Variants in DMXL1 observed in about 807,000 individuals in gnomAD.
DMXL1 encodes dmX-like protein 1.
DMXL1 carries 99 observed loss-of-function variants against 319.2 expected under a neutral mutation model. That is an observed-to-expected ratio of 0.31 (90% CI 0.26 to 0.37). The LOEUF is 0.37. DMXL1 is among the 10% of genes least tolerant of loss of function. The pLI is 1.00. For synonymous variants in DMXL1, 1,385 were observed against 1,235.2 expected, an observed-to-expected ratio of 1.12 and a Z score of -2.54; for missense variants, 3,745 against 3,595.6, an observed-to-expected ratio of 1.04 and a Z score of -1.06.
chr5:119,146,357 T>G (rs1036182730), intron 15 of DMXL1, among the ~76,000 whole-genome samples: 1 of 151,984 alleles, frequency 6.6e-6, no homozygotes, highest in African/African-American at 2.4e-5. Flanking sequence ...GTGTGCTGTT[T>G]ATGCAATTTG....
Position 119,116,137 on chromosome 5 carries a change from TTTTG to T in DMXL1, c.565-17_565-14del. On this transcript the variant is annotated splice_polypyrimidine_tract_variant and intron_variant, in intron 6 of 43. Transcript: ENST00000539542. ...TAATTCTGATCTCCATGATTTTCTG[TTTTG>T]TTTTTTTTTTCCTTAGGATGACTGT... 2 of 1,570,278 alleles carry T rather than the reference TTTTG, an allele frequency of 1.3e-6. No homozygotes were observed. Among genetic ancestry groups the T allele is most frequent in the Non-Finnish European group, 1.7e-6 (2 of 1,161,074 alleles).
chr5:119,191,758 C>T (rs758045677), intron 29 of DMXL1, among the ~76,000 whole-genome samples: 118 of 152,258 alleles, frequency 7.7e-4, no homozygotes, highest in Non-Finnish European at 1.1e-3. Context: ...TCCTGTCTGG[C>T]AGGGCATCAG....
At chr5:119,234,622 AGGGAAC>A (rs1787388384) in intron 39 of DMXL1, among the ~76,000 whole-genome samples, 2 of 152,184 alleles carry the variant, frequency 1.3e-5, no homozygotes, top group African/African-American at 2.4e-5. Context: ...TGGGAAATTA[AGGGAAC>A]TTAGTACAGA....
At position 119,189,802 on chromosome 5, in the gene DMXL1, G is replaced by A. The variant is rs774587642; in HGVS notation, c.7230G>A (p.Ser2410=). The A allele has an allele frequency of 5.8e-5, 93 of 1,613,950 alleles. No homozygotes were observed. Among genetic ancestry groups the A allele is most frequent in the Middle Eastern group, 1.6e-4 (1 of 6,082 alleles). Residue 2410 remains serine (S), a synonymous_variant, in exon 29 of 44, where the codon TCG becomes TCA. Transcript: ENST00000539542. Reference sequence around the variant, plus strand: ...AATCTGCCCCACTGACCCCTTCCTCGGCACCAGTAAGCCAGGAGTCACTGG... The same window carrying A: ...AATCTGCCCCACTGACCCCTTCCTCAGCACCAGTAAGCCAGGAGTCACTGG... ...CRESAPLTPS[S]APVSQESLAV...
intron 19 of DMXL1, 147 bp downstream of exon 19, chr5:119,152,183 T>G: frequency 1.7e-6 from 1 of 595,402 alleles, no homozygotes; most frequent in Admixed American, 3.4e-5. Flanking sequence ...AAATGTTTAT[T>G]TTGTCATAAT....
intron 24 of DMXL1, 24 bp from the exon 25 acceptor site, chr5:119,171,754 C>T: frequency 6.3e-7 from 1 of 1,579,312 alleles, no homozygotes; most frequent in East Asian, 2.3e-5. Flanking sequence ...GTTGGTTAAC[C>T]TTTTATCCCT....
Position 119,177,433 on chromosome 5 carries a change from G to A in DMXL1, c.6835G>A (p.Gly2279Arg), listed in dbSNP as rs377458810. 5 of 1,609,200 alleles carry A rather than the reference G, an allele frequency of 3.1e-6. No individual in the cohort carries two copies. The African/African-American group carries it at 4.0e-5, about 13-fold the overall frequency. Reference sequence around the variant, plus strand: ...TCCTCATCGACCTTCTTTGAAAACAGGAAGCTTAGATGAAGCATTAACTCC... The same window carrying A: ...TCCTCATCGACCTTCTTTGAAAACAAGAAGCTTAGATGAAGCATTAACTCC... ...LLPHRPSLKT[G>R]SLDEALTPNT... The change falls in exon 27 of 44, where the codon GGA becomes AGA. Residue 2279 changes from glycine (G) to arginine (R), a missense_variant. Gly to Arg is a moderately radical substitution (Grantham distance 125). Around this residue, in one of 4 missense-constraint regions of DMXL1, gnomAD observed 1,382 missense variants for 1,269.5 expected, o/e 1.09. Coordinates refer to ENST00000539542, the MANE Select transcript of DMXL1 (RefSeq NM_001290321.3).
chr5:119,092,802 A>G (rs569796006), intron 1 of DMXL1, among the ~76,000 whole-genome samples: 45 of 152,338 alleles, frequency 3.0e-4, no homozygotes, highest in African/African-American at 1.0e-3. Flanking sequence ...GGTCTTTTGT[A>G]AAGTTCATCC....
At chr5:119,071,918 G>C (rs1394872307) in intron 1 of DMXL1, among the ~76,000 whole-genome samples, 1 of 152,200 alleles carries the variant, frequency 6.6e-6, no homozygotes, top group Non-Finnish European at 1.5e-5. Context: ...CCTTGGGCCA[G>C]GGTGCTTTGC....
intron 13 of DMXL1, among the ~76,000 whole-genome samples, chr5:119,136,085 G>A (rs1255296718): frequency 1.3e-5 from 2 of 152,210 alleles, no homozygotes; most frequent in African/African-American, 2.4e-5. Flanking sequence ...ATGAAGTCCC[G>A]GCTGAGGTAG....
In DMXL1 at chr5:119,170,277, G is replaced by T. The variant is rs759265706; in HGVS notation, c.5486G>T (p.Gly1829Val). 1 of 1,613,600 alleles carries T rather than the reference G, an allele frequency of 6.2e-7. No homozygotes were observed. Among genetic ancestry groups the T allele is most frequent in the East Asian group, 2.2e-5 (1 of 44,870 alleles). Residue 1829 changes from glycine to valine, a missense_variant, in exon 24 of 44, where the codon GGA becomes GTA. Transcript: ENST00000539542. ...THPLLLRRHF[G>V]SSDTFSTHMS... ...CCTCTTTTGCTGAGACGTCATTTTG[G>T]ATCATCTGATACATTTTCCACACAT... is the stretch of plus-strand genomic sequence containing the variant.
chr5:119,228,068 T>A (rs1210327501), intron 38 of DMXL1, among the ~76,000 whole-genome samples: 2 of 152,206 alleles, frequency 1.3e-5, no homozygotes, highest in Non-Finnish European at 2.9e-5. Context: ...TAAAAAACCA[T>A]AGATTTTCTT....
chr5:119,174,476 T>G (rs374667396), intron 25 of DMXL1, among the ~76,000 whole-genome samples: 5 of 152,364 alleles, frequency 3.3e-5, no homozygotes, highest in East Asian at 1.9e-4. Context: ...TCATCTTCAA[T>G]TATATAATAT....
chr5:119,110,535 C>G (rs1397059535), intron 5 of DMXL1, among the ~76,000 whole-genome samples: 1 of 152,066 alleles, frequency 6.6e-6, no homozygotes, highest in Non-Finnish European at 1.5e-5. Flanking sequence ...ACAAACTTGC[C>G]AAATTATATG....
chr5:119,121,883 T>C (rs868256648), intron 9 of DMXL1, among the ~76,000 whole-genome samples: 4,230 of 129,986 alleles, frequency 0.033, 182 homozygotes, highest in African/African-American at 0.11. Context: ...CCTCACCTCC[T>C]GGACGGGGCG....
intron 38 of DMXL1, among the ~76,000 whole-genome samples, chr5:119,226,960 C>T (rs1785693111): frequency 6.6e-6 from 1 of 152,158 alleles, no homozygotes; most frequent in African/African-American, 2.4e-5. Flanking sequence ...GATGTGTTCA[C>T]CAGCCAAGAA....
intron 10 of DMXL1, among the ~76,000 whole-genome samples, chr5:119,131,022 G>A (rs1235136960): frequency 6.8e-6 from 1 of 147,404 alleles, no homozygotes. Flanking sequence ...TTTTTTGCCA[G>A]TTGATAACGG....
At chr5:119,210,757 G>GTTTTTTTTTTTTTTTTTTTT in intron 34 of DMXL1, among the ~76,000 whole-genome samples, 5 of 89,778 alleles carry the variant, frequency 5.6e-5, no homozygotes, top group Non-Finnish European at 6.3e-5. Context: ...TTTTTCTTTC[G>GTTTTTTTTTTTTTTTTTTTT]TTTTTTTTTT....
In DMXL1 at chr5:119,149,937, C is replaced by T. The variant is rs1249922943; in HGVS notation, c.4110C>T (p.Arg1370=). ...AAGCTGAATCTAATCATGAACGCCG[C>T]CTTAGGTCTCTCACAATCAGTGCTA... is the stretch of plus-strand genomic sequence containing the variant. ...LNEAESNHER[R]LRSLTISASG... Residue 1370 remains arginine (R), a synonymous_variant, in exon 18 of 44, where the codon CGC becomes CGT. Coordinates refer to ENST00000539542, the MANE Select transcript of DMXL1 (RefSeq NM_001290321.3). 2.5e-6 allele frequency: 4 copies of T among 1,613,764 alleles called. No homozygotes were observed. The highest frequency in any genetic ancestry group is 1.6e-4 in the Middle Eastern group (1 of 6,084).
Sources: gnomAD v4.1 joint callset for allele counts (sites outside exome capture counted in the v4.1 genomes callset) on GRCh38, gnomAD v4.1.1 for gene constraint, gnomAD v4.1.1 regional missense constraint, MANE v1.5 for transcripts, NCBI Gene and HGNC (gene_info 2026-07-23, HGNC 2026-07-21) for gene names.